DAB1: variants seen among roughly 807,000 people sequenced by gnomAD.
The protein encoded by DAB1 is disabled homolog 1.
DAB1 carries 15 observed loss-of-function variants against 64.6 expected under a neutral mutation model. The ratio of observed to expected loss-of-function variants is 0.23; its 90% CI spans 0.16 to 0.36. DAB1 has a LOEUF of 0.36. Among genes scored for constraint, DAB1 ranks in the 10% least tolerant of loss-of-function variants. The pLI, the probability that DAB1 is intolerant of heterozygous loss-of-function variation, is 1.00. For synonymous variants in DAB1, 235 were observed against 251.9 expected, an observed-to-expected ratio of 0.93 and a Z score of 0.64; for missense variants, 596 against 706.7, an observed-to-expected ratio of 0.84 and a Z score of 1.78.
intron 4 of DAB1, among the ~76,000 whole-genome samples, chr1:58,294,232 T>C (rs960248032): frequency 1.1e-4 from 16 of 152,228 alleles, no homozygotes; most frequent in Admixed American, 5.9e-4. Flanking sequence ...TTTTTGACTA[T>C]GAAAAAAATC....
intron 1 of DAB1, among the ~76,000 whole-genome samples, chr1:57,353,636 G>A (rs181171947): frequency 6.6e-6 from 1 of 152,222 alleles, no homozygotes; most frequent in East Asian, 1.9e-4. Flanking sequence ...AGAAGAAAGG[G>A]AGATGCCAGG....
intron 2 of DAB1, among the ~76,000 whole-genome samples, chr1:57,243,667 G>A (rs1668659195): frequency 6.6e-6 from 1 of 152,258 alleles, no homozygotes; most frequent in East Asian, 1.9e-4. Context: ...CAATGCACTG[G>A]AAGTTTATTC....
At chr1:57,304,199 A>C (rs1164753256) in intron 1 of DAB1, among the ~76,000 whole-genome samples, 2 of 152,198 alleles carry the variant, frequency 1.3e-5, no homozygotes, top group African/African-American at 4.8e-5. Context: ...AAACAGGAGC[A>C]GGAGAGAAGG....
chr1:57,843,935 C>G (rs1447071831), intron 1 of DAB1, among the ~76,000 whole-genome samples: 1 of 152,150 alleles, frequency 6.6e-6, no homozygotes, highest in East Asian at 1.9e-4. Flanking sequence ...CAGGTTTGAC[C>G]CATTCTGGAA....
At chr1:57,609,503 C>T (rs530877761) in intron 7 of DAB1, among the ~76,000 whole-genome samples, 2 of 152,068 alleles carry the variant, frequency 1.3e-5, no homozygotes, top group Non-Finnish European at 2.9e-5. Flanking sequence ...AATTCCCCCA[C>T]GAATACCCAG....
At chr1:57,792,258 T>A (rs978977436) in intron 6 of DAB1, among the ~76,000 whole-genome samples, 1 of 152,210 alleles carries the variant, frequency 6.6e-6, no homozygotes, top group African/African-American at 2.4e-5. Context: ...AATGTGCAGG[T>A]TCCTATTATC....
chr1:57,305,155 T>C (rs1674026934), intron 1 of DAB1, among the ~76,000 whole-genome samples: 1 of 152,156 alleles, frequency 6.6e-6, no homozygotes, highest in South Asian at 2.1e-4. Flanking sequence ...CAAAGGACAG[T>C]GCAGTGTCCC....
chr1:57,625,027 TCAA>T lies in DAB1; in HGVS notation n.625+24562_625+24564del, dbSNP rs557855919. On this transcript the variant is annotated intron_variant and non_coding_transcript_variant, in intron 7 of 20. Coordinates refer to the DAB1 transcript ENST00000485760. ...ATTCAAATAATTATAGGACGAAAAG[TCAA>T]CAACAAGTCAAAGCCCCCTGCATGT... is the stretch of plus-strand genomic sequence containing the variant. Among the ~76,000 whole-genome samples, 1,071 of 152,160 alleles carry T rather than the reference TCAA, an allele frequency of 7.0e-3. 9 individuals are homozygous for T. Among genetic ancestry groups the T allele is most frequent in the South Asian group, 0.02 (94 of 4,812 alleles).
upstream of DAB1, among the ~76,000 whole-genome samples, chr1:57,427,532 G>A (rs896892518): frequency 3.3e-5 from 5 of 152,120 alleles, no homozygotes; most frequent in African/African-American, 7.2e-5. Flanking sequence ...GTCAGAAATC[G>A]TAAGTCCTAC....
chr1:57,703,292 G>A (rs1187052401), intron 6 of DAB1, among the ~76,000 whole-genome samples: 3 of 152,142 alleles, frequency 2.0e-5, no homozygotes, highest in East Asian at 1.9e-4. Context: ...CTATGCGTTC[G>A]ACAAAGGTCT....
intron 3 of DAB1, among the ~76,000 whole-genome samples, chr1:58,495,663 T>C (rs946512067): frequency 6.6e-6 from 1 of 151,978 alleles, no homozygotes. Context: ...CACTGACATA[T>C]TGTCCTATGT....
At chr1:57,418,638 G>A (rs2991515) in intron 1 of DAB1, among the ~76,000 whole-genome samples, 69,214 of 151,842 alleles carry the variant, frequency 0.46, 16,435 homozygotes, top group African/African-American at 0.57. Flanking sequence ...CAAAATTTTC[G>A]TCATTTTAGC....
intron 6 of DAB1, among the ~76,000 whole-genome samples, chr1:57,669,524 A>G (rs1043872946): frequency 6.6e-6 from 1 of 152,134 alleles, no homozygotes; most frequent in African/African-American, 2.4e-5. Flanking sequence ...GGACCATTCT[A>G]ATTGGCCTCG....
chr1:57,220,840 G>A lies in DAB1; in HGVS notation c.67+70124C>T, dbSNP rs181186920. Among the ~76,000 whole-genome samples, 691 of 152,292 alleles carry A rather than the reference G, an allele frequency of 4.5e-3. 8 individuals are homozygous for A. The highest frequency in any genetic ancestry group is 7.6e-3 in the Non-Finnish European group (515 of 68,020). ...CAACCATCGTGGAAGACAGTGTGGC[G>A]ATTCCTCAAGGATCTAGAACTAGAA... On this transcript the variant is annotated intron_variant, in intron 2 of 14. Transcript: ENST00000371236.
chr1:57,200,843 T>C (rs767710328), intron 2 of DAB1, among the ~76,000 whole-genome samples: 2 of 152,216 alleles, frequency 1.3e-5, no homozygotes, highest in African/African-American at 2.4e-5. Flanking sequence ...TGCAAAATTA[T>C]TATTTGATCA....
At chr1:57,598,131 C>T (rs1006025881) in intron 7 of DAB1, among the ~76,000 whole-genome samples, 1 of 152,172 alleles carries the variant, frequency 6.6e-6, no homozygotes, top group African/African-American at 2.4e-5. Flanking sequence ...TACAGGTGCC[C>T]GCCACCACGC....
rs547596727 is a variant in DAB1 at position 57,151,231 on chromosome 1, C to T, written c.68-5802G>A. 2.6e-5 allele frequency among the ~76,000 whole-genome samples: 4 copies of T among 152,234 alleles called. No homozygotes were observed. The East Asian group carries it at 7.7e-4, about 29-fold the overall frequency. On this transcript the variant is annotated intron_variant, in intron 2 of 14. Transcript: ENST00000371236. ...GTTGTGAGGATTAGATTAAAAAGAA[C>T]ATTATAGCAACATGTGGGGAAGTAT...
chr1:58,398,682 A>T (rs1178816627), intron 3 of DAB1, among the ~76,000 whole-genome samples: 1 of 152,252 alleles, frequency 6.6e-6, no homozygotes, highest in Non-Finnish European at 1.5e-5. Flanking sequence ...CCCAGGTTGC[A>T]GATGAGGAAA....
At chr1:57,551,020 C>T (rs921413330) in intron 7 of DAB1, among the ~76,000 whole-genome samples, 1 of 152,170 alleles carries the variant, frequency 6.6e-6, no homozygotes, top group African/African-American at 2.4e-5. Flanking sequence ...ATCTCAGGGG[C>T]TAAATGTCTT....
Sources: allele counts gnomAD v4.1 joint callset (sites outside exome capture counted in the v4.1 genomes callset), GRCh38; gene constraint gnomAD v4.1.1; transcripts MANE v1.5; gene names NCBI Gene and HGNC (gene_info 2026-07-23, HGNC 2026-07-21).